FAT3: variants seen among roughly 807,000 people sequenced by gnomAD.
FAT3 encodes protocadherin Fat 3.
A neutral mutation model predicts 310.2 loss-of-function variants in FAT3; 95 were observed. The ratio of observed to expected loss-of-function variants is 0.31; its 90% CI spans 0.26 to 0.36. FAT3 has a LOEUF of 0.36. FAT3 is among the 10% of genes least tolerant of loss of function. FAT3 has a pLI of 1.00. For synonymous variants in FAT3, 2,314 were observed against 2,192.9 expected (o/e 1.06, Z -1.54); for missense variants, 5,408 against 5,715.6 (o/e 0.95, Z 1.74).
At chr11:92,639,309 T>A (rs1366170622) in intron 3 of FAT3, among the ~76,000 whole-genome samples, 1 of 152,214 alleles carries the variant, frequency 6.6e-6, no homozygotes, top group Non-Finnish European at 1.5e-5. Context: ...ATCTTTTTTA[T>A]GTTGGGGAGC....
At chr11:92,339,108 GT>G (rs1164925795) in intron 1 of FAT3, among the ~76,000 whole-genome samples, 4 of 151,974 alleles carry the variant, frequency 2.6e-5, no homozygotes. Flanking sequence ...TCCCAATATA[GT>G]TGAATTAGTT....
Position 92,867,045 on chromosome 11 carries a change from C to G in FAT3, c.11963C>G (p.Ser3988Trp), listed in dbSNP as rs780289899. 1 of 1,588,856 alleles carries G rather than the reference C, an allele frequency of 6.3e-7. No individual in the cohort carries two copies. The highest frequency in any genetic ancestry group is 8.6e-7 in the Non-Finnish European group (1 of 1,167,760). ...VLSGFQGCLDSVILNNNELPL... is the reference protein window; with the variant it reads ...VLSGFQGCLDWVILNNNELPL... ...AGCGGCTTCCAGGGCTGCCTGGACT[C>G]GGTGATACTGAATAACAATGAGCTG... The change falls in exon 22 of 28, where the codon TCG becomes TGG. Residue 3988 changes from serine (S) to tryptophan (W), a missense_variant. This residue lies in a region of FAT3 where 4,588 missense variants were observed against 4,809.8 expected (regional missense o/e 0.95). Coordinates refer to ENST00000525166, the MANE Select transcript of FAT3 (RefSeq NM_001367949.2).
intron 1 of FAT3, among the ~76,000 whole-genome samples, chr11:92,307,609 G>A (rs189444762): frequency 7.9e-5 from 12 of 152,074 alleles, no homozygotes; most frequent in Admixed American, 1.3e-4. Context: ...AGTTCATCCC[G>A]CTTCATTGTA....
At chr11:92,588,492 A>G (rs1412502706) in intron 3 of FAT3, among the ~76,000 whole-genome samples, 1 of 152,070 alleles carries the variant, frequency 6.6e-6, no homozygotes, top group Non-Finnish European at 1.5e-5. Context: ...GATTAGTTCC[A>G]ACATTGCTTA....
intron 13 of FAT3, among the ~76,000 whole-genome samples, chr11:92,814,946 T>C (rs1026918061): frequency 6.6e-6 from 1 of 152,128 alleles, no homozygotes; most frequent in Non-Finnish European, 1.5e-5. Flanking sequence ...TTCAGGAAGA[T>C]AGGAGCCAGG....
intron 4 of FAT3, among the ~76,000 whole-genome samples, chr11:92,701,553 G>T (rs1944097187): frequency 6.6e-6 from 1 of 152,334 alleles, no homozygotes; most frequent in East Asian, 1.9e-4. Context: ...TTGGAAGTCT[G>T]TTATGTGAAA....
chr11:92,834,785 A>G, intron 14 of FAT3, 85 bp from the exon 15 acceptor site: 2 of 1,168,292 alleles, frequency 1.7e-6, no homozygotes, highest in Middle Eastern at 2.2e-4. Context: ...GCTGGAGAGG[A>G]TGTTAGAAAT....
chr11:92,339,227 A>G (rs188864751), intron 1 of FAT3, among the ~76,000 whole-genome samples: 1 of 152,282 alleles, frequency 6.6e-6, no homozygotes, highest in East Asian at 1.9e-4. Flanking sequence ...TCTCTGGCCT[A>G]TACCCACTAG....
At chr11:92,655,471 G>T (rs1942543798) in intron 3 of FAT3, among the ~76,000 whole-genome samples, 1 of 152,138 alleles carries the variant, frequency 6.6e-6, no homozygotes, top group South Asian at 2.1e-4. Context: ...TCTATAAATT[G>T]GTTTTGTTGG....
At chr11:92,694,349 T>C (rs1356757274) in intron 3 of FAT3, among the ~76,000 whole-genome samples, 2 of 152,250 alleles carry the variant, frequency 1.3e-5, no homozygotes, top group African/African-American at 2.4e-5. Context: ...GAGGCTTTCC[T>C]GTGTCTTTTT....
intron 2 of FAT3, among the ~76,000 whole-genome samples, chr11:92,441,571 C>A (rs1161315565): frequency 2.0e-5 from 3 of 152,168 alleles, no homozygotes; most frequent in African/African-American, 7.2e-5. Flanking sequence ...CAGGCTTTAG[C>A]TGCTTGATTC....
Position 92,355,530 on chromosome 11 carries a change from G to A in FAT3, c.3292+126G>A, listed in dbSNP as rs550656247. The stretch of plus-strand genomic sequence containing the variant: ...ATGAGGTTGCATTTGGTGCAGAGAC[G>A]ACGCACATAGATGCTTTTTCTTAGG... On this transcript the variant is annotated intron_variant, in intron 2 of 27. Transcript: ENST00000525166. 9.5e-6 allele frequency: 8 copies of A among 841,110 alleles called. No individual in the cohort carries two copies. The African/African-American group carries it at 1.4e-4, about 14-fold the overall frequency. The allele number at this position is 841,110 out of a possible 1,614,324, so 52.1% of individuals were successfully genotyped here. A position where few individuals can be genotyped will look rare whatever the true frequency, so the allele number is the denominator to read the frequency against.
intron 13 of FAT3, among the ~76,000 whole-genome samples, chr11:92,813,556 C>T (rs1357443884): frequency 6.6e-6 from 1 of 152,174 alleles, no homozygotes; most frequent in African/African-American, 2.4e-5. Flanking sequence ...CCCTTTGGAG[C>T]CACACCCACC....
At chr11:92,521,747 A>G (rs1487550747) in intron 2 of FAT3, among the ~76,000 whole-genome samples, 1 of 152,154 alleles carries the variant, frequency 6.6e-6, no homozygotes, top group Non-Finnish European at 1.5e-5. Flanking sequence ...TGGTGTCCTT[A>G]TCTTTAAGAG....
intron 19 of FAT3, among the ~76,000 whole-genome samples, chr11:92,851,050 C>A (rs1387129715): frequency 1.3e-5 from 2 of 152,170 alleles, no homozygotes; most frequent in Admixed American, 1.3e-4. Flanking sequence ...TGAAAAAACA[C>A]CTGCACCTGA....
At chr11:92,857,153 C>G (rs541005684) in intron 19 of FAT3, 61 bp from the exon 20 acceptor site, 1 of 1,611,810 alleles carries the variant, frequency 6.2e-7, no homozygotes, top group African/African-American at 1.3e-5. Context: ...TTTCTATCTT[C>G]CCTGGAGTGC....
chr11:92,368,985 G>T (rs1000047005), intron 2 of FAT3, among the ~76,000 whole-genome samples: 2 of 151,532 alleles, frequency 1.3e-5, no homozygotes, highest in African/African-American at 2.4e-5. Flanking sequence ...GTATATATAT[G>T]TATGGAATTG....
At chr11:92,819,178 A>C (rs1947897651) in intron 13 of FAT3, among the ~76,000 whole-genome samples, 1 of 152,224 alleles carries the variant, frequency 6.6e-6, no homozygotes, top group African/African-American at 2.4e-5. Context: ...GATAGGGGCC[A>C]CAGGAGGGTT....
At chr11:92,632,414 A>G (rs936199664) in intron 3 of FAT3, among the ~76,000 whole-genome samples, 23 of 152,232 alleles carry the variant, frequency 1.5e-4, no homozygotes, top group Admixed American at 3.3e-4. Context: ...AAAATGGCCG[A>G]GAGGCAGACG....
Sources: allele counts gnomAD v4.1 joint callset (sites outside exome capture counted in the v4.1 genomes callset), GRCh38; gene constraint gnomAD v4.1.1; regional missense constraint gnomAD v4.1.1; transcripts MANE v1.5; gene names NCBI Gene and HGNC (gene_info 2026-07-23, HGNC 2026-07-21).